LINGO2: variants seen among roughly 807,000 people sequenced by gnomAD.
LINGO2 encodes the protein leucine-rich repeat and immunoglobulin-like domain-containing nogo receptor-interacting protein 2.
In LINGO2, 14 loss-of-function variants were observed where a neutral mutation model predicts 30.6. The observed-to-expected ratio is 0.46, with a 90% CI of 0.30 to 0.72. The LOEUF is 0.72. LINGO2 is among the 30% of genes least tolerant of loss of function. The pLI is 0.07. For synonymous variants in LINGO2, 317 were observed against 288.5 expected (o/e 1.10, Z -1.00); for missense variants, 729 against 751.7 (o/e 0.97, Z 0.35).
At chr9:29,069,605 T>C in the LINGO2 span, among the ~76,000 whole-genome samples, 1 of 152,036 alleles carries the variant, frequency 6.6e-6, no homozygotes, top group Admixed American at 6.6e-5. Flanking sequence ...CTTTAAAAAG[T>C]AGTCACTATG....
chr9:28,833,120 T>A, the LINGO2 span, among the ~76,000 whole-genome samples: 1 of 152,294 alleles, frequency 6.6e-6, no homozygotes, highest in East Asian at 1.9e-4. Context: ...AGCACAGATG[T>A]GATGCTTCAC....
the LINGO2 span, among the ~76,000 whole-genome samples, chr9:28,853,342 T>G: frequency 1.3e-5 from 2 of 152,028 alleles, no homozygotes; most frequent in Admixed American, 6.6e-5. Context: ...GACTCATTAC[T>G]CACTGAATCT....
the LINGO2 span, among the ~76,000 whole-genome samples, chr9:29,086,883 G>C: frequency 6.7e-6 from 1 of 149,274 alleles, no homozygotes; most frequent in Non-Finnish European, 1.5e-5. Context: ...GAATAATTAA[G>C]AGCAGTGATT....
At chr9:28,577,625 A>T (rs1587898022) in intron 1 of LINGO2, among the ~76,000 whole-genome samples, 1 of 152,188 alleles carries the variant, frequency 6.6e-6, no homozygotes, top group Non-Finnish European at 1.5e-5. Flanking sequence ...GTCTTGATAA[A>T]TTGGTTCTAT....
At chr9:28,535,137 C>A (rs906126684) in intron 1 of LINGO2, among the ~76,000 whole-genome samples, 23 of 151,974 alleles carry the variant, frequency 1.5e-4, no homozygotes, top group African/African-American at 5.6e-4. Flanking sequence ...TTGTTCATTA[C>A]AATAAACACA....
chr9:28,149,662 G>A (rs535283489), intron 4 of LINGO2, among the ~76,000 whole-genome samples: 3 of 148,984 alleles, frequency 2.0e-5, no homozygotes, highest in South Asian at 4.3e-4. Flanking sequence ...GCCTCTGCCC[G>A]GCCCCCTTAC....
At chr9:28,402,525 C>T (rs946845996) in intron 2 of LINGO2, among the ~76,000 whole-genome samples, 4 of 151,954 alleles carry the variant, frequency 2.6e-5, no homozygotes, top group East Asian at 1.9e-4. Context: ...CCAGCAGATC[C>T]GTACACTGCC....
At chr9:29,201,294 T>C in the LINGO2 span, among the ~76,000 whole-genome samples, 1 of 152,058 alleles carries the variant, frequency 6.6e-6, no homozygotes, top group Non-Finnish European at 1.5e-5. Context: ...GCATGGATAT[T>C]TTAGGCACAA....
At chr9:27,996,548 T>C (rs916203497) in intron 5 of LINGO2, among the ~76,000 whole-genome samples, 6 of 152,132 alleles carry the variant, frequency 3.9e-5, no homozygotes, top group Non-Finnish European at 4.4e-5. Context: ...AAATCTCTCA[T>C]GTGCAAATTA....
intron 4 of LINGO2, among the ~76,000 whole-genome samples, chr9:28,264,140 G>T (rs1822663915): frequency 6.6e-6 from 1 of 151,766 alleles, no homozygotes; most frequent in African/African-American, 2.4e-5. Context: ...GGCTCATTTG[G>T]ATATTTAAAC....
chr9:28,810,715 C>T, the LINGO2 span, among the ~76,000 whole-genome samples: 1 of 152,128 alleles, frequency 6.6e-6, no homozygotes, highest in Non-Finnish European at 1.5e-5. Flanking sequence ...TTCTCTAGGG[C>T]ATCTATCACC....
the LINGO2 span, among the ~76,000 whole-genome samples, chr9:28,861,482 C>T: frequency 6.7e-6 from 1 of 149,690 alleles, no homozygotes; most frequent in African/African-American, 2.5e-5. Context: ...TTGATATTAC[C>T]TTGTCCATAA....
At chr9:28,397,423 C>G in intron 2 of LINGO2, among the ~76,000 whole-genome samples, 1 of 148,662 alleles carries the variant, frequency 6.7e-6, no homozygotes, top group Admixed American at 6.7e-5. Flanking sequence ...AGCTAATTAA[C>G]ACATGTATTA....
chr9:28,747,237 T>C, the LINGO2 span, among the ~76,000 whole-genome samples: 1 of 152,072 alleles, frequency 6.6e-6, no homozygotes, highest in East Asian at 1.9e-4. Flanking sequence ...GTTTGAATGC[T>C]GAGAGGAGTT....
At chr9:29,194,267 A>G in the LINGO2 span, among the ~76,000 whole-genome samples, 5 of 152,124 alleles carry the variant, frequency 3.3e-5, no homozygotes, top group East Asian at 1.9e-4. Context: ...CCCGGAGCCC[A>G]TGTTTATTGT....
At chr9:28,825,493 G>T in the LINGO2 span, among the ~76,000 whole-genome samples, 1 of 151,380 alleles carries the variant, frequency 6.6e-6, no homozygotes, top group Non-Finnish European at 1.5e-5. Context: ...CTGACGTCAA[G>T]AACTTCCATC....
chr9:28,028,696 A>C lies in LINGO2; in HGVS notation c.-86-16291T>G, dbSNP rs557764258. On this transcript the variant is annotated intron_variant, in intron 4 of 5. Transcript: ENST00000379992. ...TGTCACTAGATTACTTGTAACATTA[A>C]AACAATATAAATGCCATGCAAATTG... 3.3e-5 allele frequency among the ~76,000 whole-genome samples: 5 copies of C among 152,306 alleles called. No homozygotes were observed. The East Asian group carries it at 9.6e-4, about 29-fold the overall frequency.
chr9:28,549,245 C>T (rs1262732730), intron 1 of LINGO2, among the ~76,000 whole-genome samples: 1 of 152,056 alleles, frequency 6.6e-6, no homozygotes, highest in Non-Finnish European at 1.5e-5. Flanking sequence ...CAGTATCCAT[C>T]CCCAACTGGT....
intron 4 of LINGO2, among the ~76,000 whole-genome samples, chr9:28,125,503 A>G (rs144402216): frequency 1.4e-4 from 22 of 152,362 alleles, no homozygotes; most frequent in African/African-American, 5.3e-4. Context: ...TTCTGCCCAA[A>G]TGCTGAAGCT....
Sources: gnomAD v4.1 joint callset for allele counts (sites outside exome capture counted in the v4.1 genomes callset) on GRCh38, gnomAD v4.1.1 for gene constraint, MANE v1.5 for transcripts, NCBI Gene and HGNC (gene_info 2026-07-23, HGNC 2026-07-21) for gene names.